The following DBP variants were observed in gnomAD, a reference collection of about 807,000 sequenced individuals.
The protein encoded by DBP is D site-binding protein.
In DBP, 12 loss-of-function variants were observed where a neutral mutation model predicts 21.4. The observed-to-expected ratio is 0.56, with a 90% confidence interval of 0.36 to 0.91. The LOEUF is 0.91. Ranked by LOEUF, DBP falls within the 40% of genes least tolerant of loss-of-function variation. The pLI is 0.01. For synonymous variants in DBP, 213 were observed against 224.9 expected, an observed-to-expected ratio of 0.95 and a Z score of 0.47; for missense variants, 423 against 473.4, an observed-to-expected ratio of 0.89 and a Z score of 0.99.
In DBP at chr19:48,636,927, G is replaced by A. The variant is rs551268466; in HGVS notation, c.68C>T (p.Pro23Leu). The A allele has an allele frequency of 5.7e-6, 9 of 1,589,630 alleles. No individual in the cohort carries two copies. The highest frequency in any genetic ancestry group is 7.7e-6 in the Non-Finnish European group (9 of 1,169,036). Reference protein sequence around the residue: ...LLLGGPAGTPPGGGALLGLRS... With the variant: ...LLLGGPAGTPLGGGALLGLRS... The stretch of plus-strand genomic sequence containing the variant: ...CAACCCAAGCAGCGCTCCCCCGCCA[G>A]GGGGTGTCCCGGCCGGGCCGCCCAG... The change falls in exon 1 of 4, where the codon CCT becomes CTT. Residue 23 changes from proline (P) to leucine (L), a missense_variant. This residue lies in a region of DBP where 283 missense variants were observed against 273.7 expected (regional missense o/e 1.03). Coordinates refer to ENST00000222122, the MANE Select transcript of DBP (RefSeq NM_001352.5).
chr19:48,635,573 G>A lies in DBP; in HGVS notation c.550+7C>T. On this transcript the variant is annotated splice_region_variant and intron_variant, in intron 2 of 3. Coordinates refer to ENST00000222122, the MANE Select transcript of DBP (RefSeq NM_001352.5). ...CGTCAGGACCCGCCCCGCCCCCTTC[G>A]CCGCACCTGCGCGGTGGCCGCTGGC... 1 of 1,388,366 alleles carries A rather than the reference G, an allele frequency of 7.2e-7. No individual in the cohort carries two copies. The highest frequency in any genetic ancestry group is 9.3e-7 in the Non-Finnish European group (1 of 1,079,224). 86.0% of individuals were successfully genotyped at this position (1,388,366 alleles called of 1,614,324 possible).
intron 2 of DBP, chr19:48,634,028 C>T (rs2030692570): frequency 3.4e-6 from 1 of 291,822 alleles, no homozygotes; most frequent in Non-Finnish European, 6.6e-6. Context: ...TGAACCCGGA[C>T]CCTGGAGGTG....
intron 2 of DBP, chr19:48,635,242 T>C (rs1601181109): frequency 8.6e-7 from 1 of 1,163,646 alleles, no homozygotes; most frequent in Non-Finnish European, 1.1e-6. Flanking sequence ...GTCAGTCCAC[T>C]CCCCAGTAAA....
rs1309613681 is a variant in DBP at position 48,630,936 on chromosome 19, C to T, written c.879G>A (p.Glu293=). ...CAACTTCCTGCCGCAGCAGGGCGTT[C>T]TCCTTCTCCAGGAAGGCCGCCCGCA... is the stretch of plus-strand genomic sequence containing the variant. ...ISVRAAFLEK[E]NALLRQEVVA... is the part of the protein sequence containing the mutation. Residue 293 remains glutamate, a synonymous_variant, in exon 4 of 4, where the codon GAG becomes GAA. Coordinates refer to ENST00000222122, the MANE Select transcript of DBP (RefSeq NM_001352.5). The surrounding 1 kb of genome is among the most constrained non-coding windows in gnomAD (Gnocchi z 4.9). 1 of 1,612,390 alleles carries T rather than the reference C, an allele frequency of 6.2e-7. No homozygotes were observed. The highest frequency in any genetic ancestry group is 2.2e-5 in the East Asian group (1 of 44,836).
intron 3 of DBP, 71 bp from the exon 4 acceptor site, chr19:48,631,123 C>G: frequency 2.8e-6 from 4 of 1,423,208 alleles, no homozygotes; most frequent in Non-Finnish European, 3.9e-6. Flanking sequence ...GAAGGGAGCC[C>G]CAGCAGCGGG....
At position 48,630,633 on chromosome 19, in the gene DBP, GGACAC is replaced by G. The variant is rs2030532136; in HGVS notation, c.*199_*203del. The G allele has an allele frequency of 2.0e-6, 3 of 1,499,436 alleles. No homozygotes were observed. The highest frequency in any genetic ancestry group is 1.8e-6 in the Non-Finnish European group (2 of 1,128,082). 92.9% of individuals were successfully genotyped at this position (1,499,436 alleles called of 1,614,324 possible). On this transcript the variant is annotated 3_prime_UTR_variant, in exon 4 of 4. Coordinates refer to ENST00000222122, the MANE Select transcript of DBP (RefSeq NM_001352.5). This position sits in a 1 kb window ranked among gnomAD's most constrained non-coding sequence, Gnocchi z 4.9. Reference sequence around the variant, plus strand: ...GAGGATAGGGTCCCTGACGTGCCGGGGACACACACAGAGAACCCTCCCCGCCCCCG... The same window carrying G: ...GAGGATAGGGTCCCTGACGTGCCGGGACACAGAGAACCCTCCCCGCCCCCG...
chr19:48,634,488 T>C (rs2030707574), intron 2 of DBP: 1 of 157,720 alleles, frequency 6.3e-6, no homozygotes, highest in Non-Finnish European at 1.4e-5. Context: ...GAAGATTGGT[T>C]CGAAAGGAGG....
chr19:48,632,802 AAAGG>A (rs2030646258), intron 3 of DBP: 1 of 158,424 alleles, frequency 6.3e-6, no homozygotes, highest in Admixed American at 6.1e-5. Context: ...CAATCACTCC[AAAGG>A]AAGTCCCACA....
At chr19:48,633,421 C>G (rs373034174) in intron 3 of DBP, 23 bp downstream of exon 3, 3 of 1,611,878 alleles carry the variant, frequency 1.9e-6, no homozygotes, top group Non-Finnish European at 2.5e-6. Flanking sequence ...CCAAGTCTAT[C>G]TCCCACATCC....
At position 48,630,669 on chromosome 19, in the gene DBP, GA is replaced by G. The variant is rs944299249; in HGVS notation, c.*167del. The G allele has an allele frequency of 2.1e-6, 3 of 1,443,782 alleles. No homozygotes were observed. The highest frequency in any genetic ancestry group is 2.7e-6 in the Non-Finnish European group (3 of 1,095,066). The allele number at this position is 1,443,782 out of a possible 1,614,324, so 89.4% of individuals were successfully genotyped here. A position where few individuals can be genotyped will look rare whatever the true frequency, so the allele number is the denominator to read the frequency against. Reference sequence around the variant, plus strand: ...GAGAACCCTCCCCGCCCCCGCAAGGGAGGGGGGAGGCTCGCTTTTTCTTAAA... The same window carrying G: ...GAGAACCCTCCCCGCCCCCGCAAGGGGGGGGGAGGCTCGCTTTTTCTTAAA... On this transcript the variant is annotated 3_prime_UTR_variant, in exon 4 of 4. Coordinates refer to ENST00000222122, the MANE Select transcript of DBP (RefSeq NM_001352.5). The surrounding 1 kb of genome is among the most constrained non-coding windows in gnomAD (Gnocchi z 4.9).
intron 2 of DBP, chr19:48,635,284 C>A: frequency 8.2e-7 from 1 of 1,222,722 alleles, no homozygotes; most frequent in Non-Finnish European, 1.0e-6. Context: ...CCAGTTCTGG[C>A]TTCACGAGTA....
Position 48,637,139 on chromosome 19 carries a change from T to C in DBP, c.-145A>G, listed in dbSNP as rs1233537961. ...TGCAACCCTCCAGTATCCAGAACGCTGCAAATCCTAGGAGCGACGGGGATT... is the reference window on the plus strand; with the variant it reads ...TGCAACCCTCCAGTATCCAGAACGCCGCAAATCCTAGGAGCGACGGGGATT... On this transcript the variant is annotated 5_prime_UTR_variant, in exon 1 of 4. Coordinates refer to ENST00000222122, the MANE Select transcript of DBP (RefSeq NM_001352.5). 15 of 709,768 alleles carry C rather than the reference T, an allele frequency of 2.1e-5. No individual in the cohort carries two copies. Among genetic ancestry groups the C allele is most frequent in the Non-Finnish European group, 3.2e-5 (15 of 462,260 alleles). The allele number at this position is 709,768 out of a possible 1,614,324, so 44.0% of individuals were successfully genotyped here. A position where few individuals can be genotyped will look rare whatever the true frequency, so the allele number is the denominator to read the frequency against.
chr19:48,631,768 T>G (rs1231154382), intron 3 of DBP: 1 of 152,148 alleles, frequency 6.6e-6, no homozygotes, highest in Non-Finnish European at 1.5e-5. Context: ...AGACTCCTCC[T>G]TAGTAACCAA....
Position 48,633,456 on chromosome 19 carries a change from C to A in DBP, c.750G>T (p.Pro250=), listed in dbSNP as rs139841191. Residue 250 remains proline, a synonymous_variant, in exon 3 of 4, where the codon CCG becomes CCT. Transcript: ENST00000222122. ...IMKKARKIQV[P]EEQKDEKYWS... Reference sequence around the variant, plus strand: ...CAGCTCTGCTCACCTTCTGCTCCTCCGGCACCTGGATTTTTCTTGCCTTCT... The same window carrying A: ...CAGCTCTGCTCACCTTCTGCTCCTCAGGCACCTGGATTTTTCTTGCCTTCT... 4 of 1,614,186 alleles carry A rather than the reference C, an allele frequency of 2.5e-6. No homozygotes were observed. Among genetic ancestry groups the A allele is most frequent in the East Asian group, 2.2e-5 (1 of 44,888 alleles).
intron 3 of DBP, chr19:48,632,894 T>C (rs550330414): frequency 5.7e-6 from 1 of 175,976 alleles, no homozygotes; most frequent in South Asian, 1.2e-4. Flanking sequence ...GACTGTCCTT[T>C]GCAAGTGTGC....
In DBP at chr19:48,633,433, G is replaced by A; in HGVS notation, c.762+11C>T. On this transcript the variant is annotated intron_variant, in intron 3 of 3. Coordinates refer to ENST00000222122, the MANE Select transcript of DBP (RefSeq NM_001352.5). ...CAGCCAAGTCTATCTCCCACATCCA[G>A]CTCTGCTCACCTTCTGCTCCTCCGG... The A allele has an allele frequency of 1.2e-6, 2 of 1,613,796 alleles. No individual in the cohort carries two copies. The highest frequency in any genetic ancestry group is 1.7e-6 in the Non-Finnish European group (2 of 1,179,696).
rs1202705676 is a variant in DBP, at chr19:48,637,297, T to C, written c.-303A>G. 6 of 339,988 alleles carry C rather than the reference T, an allele frequency of 1.8e-5. No individual in the cohort carries two copies. The highest frequency in any genetic ancestry group is 3.2e-5 in the Non-Finnish European group (6 of 188,172). The allele number at this position is 339,988 out of a possible 1,614,324, so 21.1% of individuals were successfully genotyped here. A position where few individuals can be genotyped will look rare whatever the true frequency, so the allele number is the denominator to read the frequency against. ...GAGAGGGGACTCAAGGCGCTCCTTC[T>C]ACAAGGTGGGCGAGCCTGGCTCTTG... On this transcript the variant is annotated 5_prime_UTR_variant, in exon 1 of 4. Coordinates refer to ENST00000222122, the MANE Select transcript of DBP (RefSeq NM_001352.5).
Position 48,637,231 on chromosome 19 carries a change from G to C in DBP, c.-237C>G. 1 of 418,720 alleles carries C rather than the reference G, an allele frequency of 2.4e-6. No homozygotes were observed. Among genetic ancestry groups the C allele is most frequent in the African/African-American group, 2.1e-5 (1 of 48,662 alleles). 25.9% of individuals were successfully genotyped at this position (418,720 alleles called of 1,614,324 possible). On this transcript the variant is annotated 5_prime_UTR_variant, in exon 1 of 4. Transcript: ENST00000222122. ...GGGAGATCATGCAATCTGGGCGAGG[G>C]GGTGTCCAGATCAAGCGGTCGGCTC...
chr19:48,636,756 A>T lies in DBP; in HGVS notation c.139+100T>A, dbSNP rs1044184199. The stretch of plus-strand genomic sequence containing the variant: ...GAGTAGATTAAGGTTGGGAAGATGG[A>T]CTCCCCGCACGCAGGTTTCTATGGG... On this transcript the variant is annotated intron_variant, in intron 1 of 3. Transcript: ENST00000222122. 1.2e-5 allele frequency: 16 copies of T among 1,380,476 alleles called. No homozygotes were observed. In the African/African-American group the frequency reaches 2.2e-4, roughly 19 times the overall value. The allele number at this position is 1,380,476 out of a possible 1,614,324, so 85.5% of individuals were successfully genotyped here. A position where few individuals can be genotyped will look rare whatever the true frequency, so the allele number is the denominator to read the frequency against.
Sources: gnomAD v4.1 joint callset for allele counts on GRCh38, gnomAD v4.1.1 for gene constraint, gnomAD v4.1.1 regional missense constraint, Gnocchi (gnomAD v3.1) non-coding constraint, MANE v1.5 for transcripts, NCBI Gene and HGNC (gene_info 2026-07-23, HGNC 2026-07-21) for gene names.